The following ABCB1 variants were observed in gnomAD, a reference collection of about 807,000 sequenced individuals.
The protein encoded by ABCB1 is ATP-dependent translocase ABCB1.
A neutral mutation model predicts 142.0 loss-of-function variants in ABCB1; 69 were observed. The observed-to-expected ratio is 0.49, with a 90% CI of 0.40 to 0.59. The LOEUF (loss-of-function observed/expected upper bound fraction) is 0.59, where lower values mean the gene tolerates loss of function less well. ABCB1 is among the 20% of genes least tolerant of loss of function. The pLI is 0.00. For missense variants in ABCB1, 1,326 were observed against 1,554.7 expected, an observed-to-expected ratio of 0.85 and a Z score of 2.47; for synonymous variants, 532 against 539.2, an observed-to-expected ratio of 0.99 and a Z score of 0.18.
chr7:87,709,018 T>C (rs1456775140), intron 1 of ABCB1, among the ~76,000 whole-genome samples: 1 of 152,214 alleles, frequency 6.6e-6, no homozygotes, highest in Non-Finnish European at 1.5e-5. Context: ...GTTCTACTTC[T>C]TGGCCCAAAC....
At chr7:87,694,210 A>G (rs2130660527) in intron 1 of ABCB1, among the ~76,000 whole-genome samples, 1 of 152,208 alleles carries the variant, frequency 6.6e-6, no homozygotes, top group South Asian at 2.1e-4. Flanking sequence ...GTGCTGTATA[A>G]TAATAAATAT....
At chr7:87,690,054 C>T (rs1028802634) in intron 1 of ABCB1, among the ~76,000 whole-genome samples, 11 of 151,948 alleles carry the variant, frequency 7.2e-5, no homozygotes, top group South Asian at 2.1e-4. Flanking sequence ...GATCTCGAAC[C>T]GCTGAGCTCA....
At chr7:87,711,059 G>T (rs1282888724) in intron 1 of ABCB1, among the ~76,000 whole-genome samples, 1 of 151,962 alleles carries the variant, frequency 6.6e-6, no homozygotes, top group Non-Finnish European at 1.5e-5. Flanking sequence ...GGGCACGGTG[G>T]CTCACACCTA....
At chr7:87,551,470 G>C (rs558464835) in intron 9 of ABCB1, among the ~76,000 whole-genome samples, 1 of 152,242 alleles carries the variant, frequency 6.6e-6, no homozygotes, top group East Asian at 1.9e-4. Context: ...ATTATGATTT[G>C]TCAATTAAAA....
intron 1 of ABCB1, among the ~76,000 whole-genome samples, chr7:87,703,717 A>T (rs1182117880): frequency 6.6e-6 from 1 of 151,742 alleles, no homozygotes; most frequent in Non-Finnish European, 1.5e-5. Flanking sequence ...TTGTTATTAC[A>T]TATTAACAGA....
intron 1 of ABCB1, among the ~76,000 whole-genome samples, chr7:87,615,045 C>T (rs1477218092): frequency 1.3e-5 from 2 of 152,206 alleles, no homozygotes; most frequent in African/African-American, 4.8e-5. Flanking sequence ...CGGGGTTTCA[C>T]CGTGTTAGCC....
chr7:87,675,653 C>CAAAAAAAAAAAAAAAA (rs200136132), intron 1 of ABCB1, among the ~76,000 whole-genome samples: 1 of 65,848 alleles, frequency 1.5e-5, no homozygotes, highest in African/African-American at 5.8e-5. Context: ...TATTCACATG[C>CAAAAAAAAAAAAAAAA]AAAAAAAAAA....
chr7:87,616,050 A>G (rs1205165659), intron 1 of ABCB1, among the ~76,000 whole-genome samples: 1 of 152,256 alleles, frequency 6.6e-6, no homozygotes, highest in Non-Finnish European at 1.5e-5. Context: ...ATTGCCTAGT[A>G]TAAGATACTT....
chr7:87,589,849 G>GGAGAGAGAGAGAGAGA (rs142847127), intron 3 of ABCB1, among the ~76,000 whole-genome samples: 1 of 108,500 alleles, frequency 9.2e-6, no homozygotes, highest in Non-Finnish European at 1.8e-5. Context: ...AGAGAGGGAG[G>GGAGAGAGAGAGAGAGA]GAGAGAGAGA....
At chr7:87,519,048 G>T (rs1249137010) in intron 23 of ABCB1, 1 of 491,058 alleles carries the variant, frequency 2.0e-6, no homozygotes, top group Non-Finnish European at 3.7e-6. Context: ...AAATGCCAAG[G>T]CCTTCTCAAA....
intron 1 of ABCB1, among the ~76,000 whole-genome samples, chr7:87,689,491 C>T (rs927861444): frequency 7.9e-5 from 12 of 151,908 alleles, no homozygotes; most frequent in Non-Finnish European, 1.3e-4. Flanking sequence ...TGCTTTATTG[C>T]GCTAATATTT....
At chr7:87,637,633 CTT>C (rs910860658) in intron 1 of ABCB1, among the ~76,000 whole-genome samples, 5 of 151,852 alleles carry the variant, frequency 3.3e-5, no homozygotes, top group African/African-American at 9.7e-5. Context: ...TTTTAAATCT[CTT>C]ATTATATTTA....
chr7:87,585,963 A>G (rs1207987068), intron 3 of ABCB1, among the ~76,000 whole-genome samples: 1 of 152,186 alleles, frequency 6.6e-6, no homozygotes. Flanking sequence ...GGGAAACTGT[A>G]AAAGTATTTA....
At chr7:87,523,435 C>T (rs1485618486) in intron 21 of ABCB1, among the ~76,000 whole-genome samples, 2 of 152,028 alleles carry the variant, frequency 1.3e-5, no homozygotes, top group Non-Finnish European at 2.9e-5. Flanking sequence ...TGAGACCAGC[C>T]ACCATCAACA....
intron 21 of ABCB1, among the ~76,000 whole-genome samples, chr7:87,530,814 C>CAAGA (rs1300680854): frequency 4.5e-4 from 22 of 48,674 alleles, no homozygotes; most frequent in African/African-American, 2.2e-3. Context: ...AGCAAGAAAG[C>CAAGA]AAGAAAGCAA....
intron 3 of ABCB1, among the ~76,000 whole-genome samples, chr7:87,593,070 G>A (rs1439599605): frequency 6.6e-6 from 1 of 151,984 alleles, no homozygotes; most frequent in Non-Finnish European, 1.5e-5. Flanking sequence ...GAGACTACAG[G>A]CATGTGCCAC....
In ABCB1 at chr7:87,660,358, C is replaced by G. The variant is rs28381747; in HGVS notation, c.-331+52803G>C. Reference sequence around the variant, plus strand: ...GTATTCTCCTTAAAGTTGTCAATGTCTTCTATCCCATATACTCTCAATTTT... The same window carrying G: ...GTATTCTCCTTAAAGTTGTCAATGTGTTCTATCCCATATACTCTCAATTTT... On this transcript the variant is annotated intron_variant, in intron 1 of 28. Transcript: ENST00000265724. Among the ~76,000 whole-genome samples the G allele has an allele frequency of 3.6e-3, 553 of 152,028 alleles. 7 individuals are homozygous for G. Among genetic ancestry groups the G allele is most frequent in the African/African-American group, 0.012 (514 of 41,496 alleles).
At chr7:87,578,021 A>C (rs1270579308) in intron 4 of ABCB1, among the ~76,000 whole-genome samples, 1 of 152,092 alleles carries the variant, frequency 6.6e-6, no homozygotes, top group Non-Finnish European at 1.5e-5. Flanking sequence ...GAGTTTTTCC[A>C]GTGTCTTCTT....
At chr7:87,619,746 A>ATGTGTG (rs778899617) in intron 1 of ABCB1, among the ~76,000 whole-genome samples, 1 of 145,990 alleles carries the variant, frequency 6.8e-6, no homozygotes, top group East Asian at 2.0e-4. Flanking sequence ...ACACAAACAC[A>ATGTGTG]TGTGTGTGTG....
Sources: gnomAD v4.1 joint callset for allele counts (sites outside exome capture counted in the v4.1 genomes callset) on GRCh38, gnomAD v4.1.1 for gene constraint, MANE v1.5 for transcripts, NCBI Gene and HGNC (gene_info 2026-07-23, HGNC 2026-07-21) for gene names.